NSL1: variants seen among roughly 807,000 people sequenced by gnomAD.
NSL1 encodes kinetochore-associated protein NSL1 homolog.
Under a neutral mutation model 25.4 loss-of-function variants are expected in NSL1, and 11 were observed. The observed-to-expected ratio is 0.43, with a 90% CI of 0.27 to 0.72. The LOEUF (loss-of-function observed/expected upper bound fraction) is 0.72. NSL1 is among the 30% of genes least tolerant of loss of function. The pLI is 0.19. For synonymous variants in NSL1, 118 were observed against 120.6 expected (o/e 0.98, Z 0.14); for missense variants, 330 against 342.7 (o/e 0.96, Z 0.29).
In NSL1 at chr1:212,732,118, C is replaced by T; in HGVS notation, c.*6290G>A. The T allele has an allele frequency of 2.0e-6, 2 of 982,820 alleles. No homozygotes were observed. Among genetic ancestry groups the T allele is most frequent in the Non-Finnish European group, 1.2e-6 (1 of 828,384 alleles). The allele number at this position is 982,820 out of a possible 1,614,324, so 60.9% of individuals were successfully genotyped here. ...TGTTCACTGGAGAACTAATTTGTAA[C>T]CATGATTACATTTCTTTTTTTGTAC... On this transcript the variant is annotated 3_prime_UTR_variant, in exon 6 of 6. Transcript: ENST00000366977.
chr1:212,744,046 T>C (rs370990578), intron 4 of NSL1, among the ~76,000 whole-genome samples: 12 of 152,146 alleles, frequency 7.9e-5, no homozygotes, highest in African/African-American at 2.2e-4. Context: ...GTTAAAAACA[T>C]TGAAAGGTAA....
intron 4 of NSL1, among the ~76,000 whole-genome samples, chr1:212,745,550 T>C (rs533885621): frequency 7.7e-4 from 117 of 152,214 alleles, no homozygotes; most frequent in Non-Finnish European, 6.5e-4. Context: ...AATAGAGCAC[T>C]GGGAGGATAT....
rs1657861755 is a variant in NSL1, at chr1:212,728,095, T to C, written c.*10313A>G. ...ACTTCCCTTCTCATCTCCACCTCTT[T>C]CTCATGAAATGGGCGTGGTAATAGC... On this transcript the variant is annotated 3_prime_UTR_variant, in exon 6 of 6. Coordinates refer to ENST00000366977, the MANE Select transcript of NSL1 (RefSeq NM_015471.4). The C allele has an allele frequency of 1.0e-6, 1 of 982,798 alleles. No individual in the cohort carries two copies. The highest frequency in any genetic ancestry group is 4.7e-5 in the South Asian group (1 of 21,220). 60.9% of individuals were successfully genotyped at this position (982,798 alleles called of 1,614,324 possible). A position where few individuals can be genotyped will look rare whatever the true frequency, so the allele number is the denominator to read the frequency against.
chr1:212,764,452 A>T (rs1659706579), intron 4 of NSL1, among the ~76,000 whole-genome samples: 2 of 152,242 alleles, frequency 1.3e-5, no homozygotes, highest in Admixed American at 1.3e-4. Context: ...AACAAACAAA[A>T]AAACAAAAAA....
At chr1:212,775,870 C>G (rs1660340982) in intron 4 of NSL1, among the ~76,000 whole-genome samples, 1 of 151,982 alleles carries the variant, frequency 6.6e-6, no homozygotes, top group Non-Finnish European at 1.5e-5. Flanking sequence ...CTCTGTCGCC[C>G]AGGCTGGAGT....
At position 212,735,420 on chromosome 1, in the gene NSL1, G is replaced by C. The variant is rs1461560769; in HGVS notation, c.*2988C>G. 1 of 985,256 alleles carries C rather than the reference G, an allele frequency of 1.0e-6. No individual in the cohort carries two copies. Among genetic ancestry groups the C allele is most frequent in the Non-Finnish European group, 1.2e-6 (1 of 829,908 alleles). 61.0% of individuals were successfully genotyped at this position (985,256 alleles called of 1,614,324 possible). ...CAAATTCAGCCTTAGAAAAGAAAAAGTACATCTTACAAGATGAAATCATAC... is the reference window on the plus strand; with the variant it reads ...CAAATTCAGCCTTAGAAAAGAAAAACTACATCTTACAAGATGAAATCATAC... On this transcript the variant is annotated 3_prime_UTR_variant, in exon 6 of 6. Coordinates refer to ENST00000366977, the MANE Select transcript of NSL1 (RefSeq NM_015471.4).
chr1:212,742,065 A>T (rs1376534578), intron 4 of NSL1, among the ~76,000 whole-genome samples: 2 of 152,210 alleles, frequency 1.3e-5, no homozygotes. Context: ...CCACTTCAGA[A>T]CATATTTTGT....
intron 4 of NSL1, among the ~76,000 whole-genome samples, chr1:212,743,551 T>C (rs1265151112): frequency 6.6e-6 from 1 of 152,036 alleles, no homozygotes; most frequent in Non-Finnish European, 1.5e-5. Flanking sequence ...ACTTCATGTA[T>C]ATTCAAATTC....
At chr1:212,778,118 A>C (rs944435798) in intron 4 of NSL1, among the ~76,000 whole-genome samples, 8 of 152,200 alleles carry the variant, frequency 5.3e-5, no homozygotes, top group Non-Finnish European at 1.0e-4. Flanking sequence ...CAGAAGAAGG[A>C]ATCAAGGTTA....
At chr1:212,741,449 G>A (rs1477830069) in intron 4 of NSL1, among the ~76,000 whole-genome samples, 1 of 152,142 alleles carries the variant, frequency 6.6e-6, no homozygotes, top group African/African-American at 2.4e-5. Context: ...ATTGGATCAC[G>A]GGGCGATTTC....
intron 4 of NSL1, among the ~76,000 whole-genome samples, chr1:212,771,182 C>T (rs144236326): frequency 0.011 from 1,609 of 152,090 alleles, 26 homozygotes; most frequent in African/African-American, 0.037. Context: ...GGCGTGGTGG[C>T]GCATGCCTGT....
At chr1:212,752,562 T>TA (rs11308975) in intron 4 of NSL1, among the ~76,000 whole-genome samples, 2 of 151,904 alleles carry the variant, frequency 1.3e-5, no homozygotes, top group Admixed American at 1.3e-4. Context: ...AAAGAACTTT[T>TA]AAAAAAAGGC....
chr1:212,787,666 C>T, intron 1 of NSL1, 29 bp from the exon 2 acceptor site: 3 of 1,471,944 alleles, frequency 2.0e-6, no homozygotes, highest in Non-Finnish European at 9.3e-7. Context: ...AGTCAAGTCA[C>T]TAAAAATAAT....
intron 4 of NSL1, among the ~76,000 whole-genome samples, chr1:212,779,453 A>C (rs1660579383): frequency 3.8e-5 from 4 of 104,346 alleles, no homozygotes; most frequent in Admixed American, 9.0e-5. Context: ...GGCCGCCCCT[A>C]CTGGGAAGTG....
rs141269983 is a variant in NSL1, at chr1:212,783,004, C to G, written c.445-578G>C. ...GCCAAAAAGGTTAAAAGAAAGAAAA[C>G]AAGAAGAAAAAAAGGTCTTCAGCCA... On this transcript the variant is annotated intron_variant, in intron 3 of 5. Coordinates refer to ENST00000366977, the MANE Select transcript of NSL1 (RefSeq NM_015471.4). Among the ~76,000 whole-genome samples the G allele has an allele frequency of 9.4e-4, 143 of 152,110 alleles. 1 individual carries two copies. The highest frequency in any genetic ancestry group is 3.3e-3 in the African/African-American group (138 of 41,512).
intron 4 of NSL1, among the ~76,000 whole-genome samples, chr1:212,771,574 A>G (rs1053699560): frequency 2.2e-5 from 3 of 138,330 alleles, no homozygotes; most frequent in Non-Finnish European, 3.1e-5. Flanking sequence ...TTTGCAGATG[A>G]CATGTTCTTA....
chr1:212,742,733 TCTGA>T (rs1165388559), intron 4 of NSL1, among the ~76,000 whole-genome samples: 5 of 152,364 alleles, frequency 3.3e-5, no homozygotes, highest in African/African-American at 4.8e-5. Context: ...CTGTAGTTAA[TCTGA>T]CTGACACTCA....
At chr1:212,788,070 G>T (rs1038944823) in intron 1 of NSL1, among the ~76,000 whole-genome samples, 19 of 152,192 alleles carry the variant, frequency 1.2e-4, no homozygotes, top group African/African-American at 4.3e-4. Flanking sequence ...TTTGAGAGAT[G>T]AACACTTATG....
chr1:212,791,372 C>T (rs1661248854), intron 1 of NSL1, among the ~76,000 whole-genome samples, 158 bp downstream of exon 1: 1 of 152,236 alleles, frequency 6.6e-6, no homozygotes, highest in Admixed American at 6.5e-5. Flanking sequence ...ACATTAGCAT[C>T]TATTTCTTTC....
Sources: allele counts gnomAD v4.1 joint callset (sites outside exome capture counted in the v4.1 genomes callset), GRCh38; gene constraint gnomAD v4.1.1; transcripts MANE v1.5; gene names NCBI Gene and HGNC (gene_info 2026-07-23, HGNC 2026-07-21).